FBXO42: variants seen among roughly 807,000 people sequenced by gnomAD.
The protein encoded by FBXO42 is F-box protein 42.
A neutral mutation model predicts 71.7 loss-of-function variants in FBXO42; 12 were observed. The ratio of observed to expected loss-of-function variants is 0.17; its 90% CI spans 0.11 to 0.27. The LOEUF (loss-of-function observed/expected upper bound fraction) is 0.27, where lower values mean the gene tolerates loss of function less well. Ranked by LOEUF, FBXO42 falls within the 10% of genes least tolerant of loss-of-function variation. The probability of loss-of-function intolerance (pLI) is 1.00; values close to 1 mark genes in which losing one functional copy is unlikely to be tolerated. For missense variants in FBXO42, 707 were observed against 911.9 expected, an observed-to-expected ratio of 0.78 and a Z score of 2.89; for synonymous variants, 325 against 327.5, an observed-to-expected ratio of 0.99 and a Z score of 0.08.
At chr1:16,316,490 CTT>C (rs2082367368) in intron 1 of FBXO42, among the ~76,000 whole-genome samples, 1 of 151,972 alleles carries the variant, frequency 6.6e-6, no homozygotes, top group Non-Finnish European at 1.5e-5. Context: ...AGTCCCAGCA[CTT>C]TGGGATTCTG....
chr1:16,335,886 C>A (rs531832804), intron 1 of FBXO42, among the ~76,000 whole-genome samples: 357 of 145,234 alleles, frequency 2.5e-3, no homozygotes, highest in Non-Finnish European at 3.7e-3. Context: ...AAAAAAAAAA[C>A]CTTTTGACTG....
rs2081900367 is a variant in FBXO42, at chr1:16,276,147, C to T, written c.502+18636G>A. Among the ~76,000 whole-genome samples the T allele has an allele frequency of 5.9e-5, 9 of 151,668 alleles. No individual in the cohort carries two copies. In the South Asian group the frequency reaches 1.2e-3, roughly 21 times the overall value. ...CTGTAATCCCAGCACTTTGGGAGGC[C>T]GAGGTGGGTGGATCACGAGGTCAGG... On this transcript the variant is annotated intron_variant, in intron 4 of 9. Coordinates refer to ENST00000375592, the MANE Select transcript of FBXO42 (RefSeq NM_018994.3).
At chr1:16,253,380 G>T in intron 7 of FBXO42, 1 of 593,022 alleles carries the variant, frequency 1.7e-6, no homozygotes. Flanking sequence ...TAACATGAAT[G>T]TCAACCACAT....
intron 3 of FBXO42, 107 bp from the exon 4 acceptor site, chr1:16,295,024 T>G: frequency 7.6e-7 from 1 of 1,311,930 alleles, no homozygotes; most frequent in Non-Finnish European, 1.0e-6. Context: ...TCAGCAATTT[T>G]GTTACCAAGT....
chr1:16,288,022 T>C (rs1011832930), intron 4 of FBXO42, among the ~76,000 whole-genome samples: 4 of 152,064 alleles, frequency 2.6e-5, no homozygotes, highest in African/African-American at 9.7e-5. Context: ...GGTGGGCGCC[T>C]GTAATCTCAG....
intron 1 of FBXO42, among the ~76,000 whole-genome samples, chr1:16,330,708 G>A (rs570269459): frequency 3.3e-5 from 5 of 152,114 alleles, no homozygotes; most frequent in South Asian, 4.2e-4. Flanking sequence ...TTGGGAGACC[G>A]AGGAGGTGAA....
chr1:16,322,580 T>C (rs1305212901), intron 1 of FBXO42, among the ~76,000 whole-genome samples: 3 of 151,634 alleles, frequency 2.0e-5, no homozygotes, highest in African/African-American at 7.3e-5. Context: ...TGTCTCAAAA[T>C]ACAAAAAAAA....
intron 3 of FBXO42, among the ~76,000 whole-genome samples, chr1:16,296,777 T>C (rs2082134854): frequency 6.6e-6 from 1 of 152,018 alleles, no homozygotes. Flanking sequence ...ACACCAATAT[T>C]TTTAAGGTCT....
At chr1:16,346,040 G>A (rs990470142) in intron 1 of FBXO42, among the ~76,000 whole-genome samples, 1 of 152,084 alleles carries the variant, frequency 6.6e-6, no homozygotes, top group Non-Finnish European at 1.5e-5. Flanking sequence ...AAATTTCAGG[G>A]TCAGAACGAC....
chr1:16,337,986 G>A (rs1039675073), intron 1 of FBXO42, among the ~76,000 whole-genome samples: 10 of 148,870 alleles, frequency 6.7e-5, no homozygotes, highest in East Asian at 2.0e-4. Flanking sequence ...TTGGCCGGGC[G>A]CGGTGGCTCA....
rs376247320 is a variant in FBXO42 at position 16,347,744 on chromosome 1, C to A, written c.-18+4511G>T. The stretch of plus-strand genomic sequence containing the variant: ...GTGGCTCACGCCTGTAATCCCCACA[C>A]TTTGGGAGGCCGAGGCGGGCAGATC... On this transcript the variant is annotated intron_variant, in intron 1 of 9. Transcript: ENST00000375592. Among the ~76,000 whole-genome samples the A allele has an allele frequency of 3.3e-5, 5 of 152,198 alleles. No individual in the cohort carries two copies. In the South Asian group the frequency reaches 1.0e-3, roughly 32 times the overall value.
chr1:16,263,694 G>A (rs1052665850), intron 4 of FBXO42, among the ~76,000 whole-genome samples: 8 of 150,010 alleles, frequency 5.3e-5, no homozygotes, highest in East Asian at 4.1e-4. Flanking sequence ...TTGCACTCCA[G>A]CCTGGGCAAC....
At chr1:16,320,253 C>T (rs943220630) in intron 1 of FBXO42, among the ~76,000 whole-genome samples, 2 of 149,456 alleles carry the variant, frequency 1.3e-5, no homozygotes, top group South Asian at 2.1e-4. Flanking sequence ...CCCAGCTACT[C>T]GGGAGGCTGA....
intron 2 of FBXO42, among the ~76,000 whole-genome samples, chr1:16,310,701 C>T (rs1317293143): frequency 6.6e-6 from 1 of 151,956 alleles, no homozygotes; most frequent in Non-Finnish European, 1.5e-5. Flanking sequence ...TCTTAAAACT[C>T]AACAATATTA....
chr1:16,334,088 A>T (rs577674344), intron 1 of FBXO42, among the ~76,000 whole-genome samples: 6 of 152,254 alleles, frequency 3.9e-5, no homozygotes, highest in African/African-American at 1.4e-4. Flanking sequence ...ATAATATGAA[A>T]TTCAGCTACC....
chr1:16,315,327 T>G lies in FBXO42; in HGVS notation c.92A>C (p.Glu31Ala), dbSNP rs1342392657. ...CTCAGCCTCCAATACTGGGTGGGGCTCCTCATCTTGATCCATTGTCCCTTC... is the reference window on the plus strand; with the variant it reads ...CTCAGCCTCCAATACTGGGTGGGGCGCCTCATCTTGATCCATTGTCCCTTC... The part of the protein sequence containing the change: ...VLEGTMDQDE[E>A]PHPVLEAEET... The change falls in exon 2 of 10, where the codon GAG becomes GCG. Residue 31 changes from glutamate to alanine, a missense_variant. Physicochemically the swap from Glu to Ala is moderately radical, Grantham distance 107. Coordinates refer to ENST00000375592, the MANE Select transcript of FBXO42 (RefSeq NM_018994.3). 1 of 1,613,968 alleles carries G rather than the reference T, an allele frequency of 6.2e-7. No homozygotes were observed. The highest frequency in any genetic ancestry group is 8.5e-7 in the Non-Finnish European group (1 of 1,180,024).
At chr1:16,262,069 T>G (rs560246711) in intron 4 of FBXO42, among the ~76,000 whole-genome samples, 2 of 152,346 alleles carry the variant, frequency 1.3e-5, no homozygotes, top group East Asian at 3.9e-4. Context: ...GCATATTTAT[T>G]GCAAATTGGA....
intron 1 of FBXO42, among the ~76,000 whole-genome samples, chr1:16,350,769 G>GA (rs1343178279): frequency 5.0e-5 from 7 of 139,096 alleles, no homozygotes; most frequent in South Asian, 2.3e-4. Flanking sequence ...AAGAAAGAAA[G>GA]AAAGAAAGAA....
chr1:16,319,554 A>G (rs1007229201), intron 1 of FBXO42, among the ~76,000 whole-genome samples: 12 of 152,004 alleles, frequency 7.9e-5, no homozygotes, highest in Admixed American at 3.3e-4. Flanking sequence ...AGAAAGGAGC[A>G]ATTCCCTTCA....
Sources: allele counts gnomAD v4.1 joint callset (sites outside exome capture counted in the v4.1 genomes callset), GRCh38; gene constraint gnomAD v4.1.1; transcripts MANE v1.5; gene names NCBI Gene and HGNC (gene_info 2026-07-23, HGNC 2026-07-21).